The following PRELID2 variants were observed in gnomAD, a reference collection of about 807,000 sequenced individuals.
PRELID2 encodes PRELI domain-containing protein 2.
In PRELID2, 25 loss-of-function variants were observed where a neutral mutation model predicts 28.4. That is an observed-to-expected ratio of 0.88 (90% confidence interval 0.64 to 1.23). PRELID2 has a LOEUF of 1.23. Ranked by LOEUF, PRELID2 falls within the 50% of genes most tolerant of loss-of-function variation. The probability of loss-of-function intolerance (pLI) is 0.00; values close to 1 mark genes in which losing one functional copy is unlikely to be tolerated. For synonymous variants in PRELID2, 76 were observed against 71.6 expected, an observed-to-expected ratio of 1.06 and a Z score of -0.31; for missense variants, 201 against 214.4, an observed-to-expected ratio of 0.94 and a Z score of 0.39.
chr5:145,434,473 G>A, the PRELID2 span, among the ~76,000 whole-genome samples: 1 of 152,202 alleles, frequency 6.6e-6, no homozygotes, highest in Non-Finnish European at 1.5e-5. Context: ...CATGTACAGA[G>A]ACACAGACAC....
intron 1 of PRELID2, among the ~76,000 whole-genome samples, chr5:145,570,101 T>C (rs5003814): frequency 0.086 from 13,158 of 152,206 alleles, 1,467 homozygotes; most frequent in African/African-American, 0.26. Flanking sequence ...GTTCATATGG[T>C]GTTCTCCCTG....
At chr5:145,240,772 A>T in the PRELID2 span, among the ~76,000 whole-genome samples, 1 of 152,036 alleles carries the variant, frequency 6.6e-6, no homozygotes, top group Non-Finnish European at 1.5e-5. Flanking sequence ...CACTGTGTCA[A>T]TCCTAGGTGT....
chr5:145,424,982 C>A, the PRELID2 span, among the ~76,000 whole-genome samples: 5 of 151,920 alleles, frequency 3.3e-5, no homozygotes, highest in East Asian at 1.9e-4. Context: ...AGTGAAGAGA[C>A]AACCTACAGA....
At chr5:145,676,423 T>C (rs1333205525) in intron 1 of PRELID2, among the ~76,000 whole-genome samples, 3 of 150,664 alleles carry the variant, frequency 2.0e-5, no homozygotes, top group Admixed American at 1.3e-4. Flanking sequence ...CCTATAATCC[T>C]AGCCACTCGG....
the PRELID2 span, among the ~76,000 whole-genome samples, chr5:145,436,816 C>T: frequency 6.6e-6 from 1 of 152,124 alleles, no homozygotes; most frequent in Admixed American, 6.6e-5. Context: ...TTTCCTCCTT[C>T]TTCCTAACTC....
At chr5:145,659,399 T>A (rs1448852231) in intron 1 of PRELID2, among the ~76,000 whole-genome samples, 1 of 152,236 alleles carries the variant, frequency 6.6e-6, no homozygotes, top group East Asian at 1.9e-4. Context: ...AGACTATAAT[T>A]CCATTTTAAG....
At chr5:145,405,702 G>C in the PRELID2 span, among the ~76,000 whole-genome samples, 1 of 54,626 alleles carries the variant, frequency 1.8e-5, no homozygotes, top group African/African-American at 7.0e-5. Context: ...CCACATAGTT[G>C]TTTTTTTTTT....
chr5:145,725,376 G>C (rs1756116885), intron 1 of PRELID2, among the ~76,000 whole-genome samples: 2 of 152,250 alleles, frequency 1.3e-5, no homozygotes, highest in South Asian at 4.1e-4. Flanking sequence ...AAACCTTTAA[G>C]CATTGCTAAC....
chr5:145,353,061 C>T, the PRELID2 span, among the ~76,000 whole-genome samples: 2 of 152,170 alleles, frequency 1.3e-5, no homozygotes, highest in East Asian at 3.8e-4. Context: ...CTCCCTGTTA[C>T]CCAGCTCCAA....
chr5:145,562,873 G>GT (rs1160204711), intron 1 of PRELID2, among the ~76,000 whole-genome samples: 5 of 152,158 alleles, frequency 3.3e-5, no homozygotes, highest in Non-Finnish European at 5.9e-5. Context: ...CCAAAGTAGA[G>GT]TTTTTTTCTA....
intron 1 of PRELID2, among the ~76,000 whole-genome samples, chr5:145,511,935 G>A (rs115831327): frequency 0.023 from 3,459 of 152,156 alleles, 134 homozygotes; most frequent in African/African-American, 0.08. Context: ...TACTTACTGG[G>A]GCAGTGGCAG....
the PRELID2 span, among the ~76,000 whole-genome samples, chr5:145,413,539 C>G: frequency 6.6e-6 from 1 of 151,228 alleles, no homozygotes. Flanking sequence ...ATGTTGATAG[C>G]AGCACAATTT....
intron 1 of PRELID2, among the ~76,000 whole-genome samples, chr5:145,617,925 G>A (rs967797848): frequency 6.6e-6 from 1 of 151,900 alleles, no homozygotes; most frequent in Non-Finnish European, 1.5e-5. Flanking sequence ...TAGAGATGGG[G>A]TTTCACTATA....
At chr5:145,429,023 G>A in the PRELID2 span, among the ~76,000 whole-genome samples, 2 of 152,168 alleles carry the variant, frequency 1.3e-5, no homozygotes, top group African/African-American at 2.4e-5. Flanking sequence ...CTTTGTAAAT[G>A]GACTTCTGCT....
At chr5:145,762,061 A>T (rs1757501711) in intron 6 of PRELID2, among the ~76,000 whole-genome samples, 2 of 152,226 alleles carry the variant, frequency 1.3e-5, no homozygotes, top group African/African-American at 4.8e-5. Flanking sequence ...GTACATACAT[A>T]CATATACATA....
At chr5:145,730,894 A>G (rs1325116473) in intron 1 of PRELID2, among the ~76,000 whole-genome samples, 1 of 151,904 alleles carries the variant, frequency 6.6e-6, no homozygotes, top group African/African-American at 2.4e-5. Flanking sequence ...TGCCTGCCCC[A>G]AGGCAAACTC....
intron 1 of PRELID2, among the ~76,000 whole-genome samples, chr5:145,825,613 CATG>C (rs1468044432): frequency 6.6e-6 from 1 of 152,106 alleles, no homozygotes; most frequent in Non-Finnish European, 1.5e-5. Flanking sequence ...ACCAGGGAGA[CATG>C]ATGATCAAAT....
chr5:145,678,772 C>T (rs756675718), intron 1 of PRELID2, among the ~76,000 whole-genome samples: 11 of 151,900 alleles, frequency 7.2e-5, no homozygotes, highest in Non-Finnish European at 1.6e-4. Context: ...ACTGGGGGGT[C>T]GAGGAGGAGT....
At chr5:145,266,429 T>C in the PRELID2 span, among the ~76,000 whole-genome samples, 11 of 148,682 alleles carry the variant, frequency 7.4e-5, no homozygotes, top group African/African-American at 2.5e-4. Flanking sequence ...CCAACAAACA[T>C]GTGAAAAAAT....
Sources: gnomAD v4.1 joint callset for allele counts (sites outside exome capture counted in the v4.1 genomes callset) on GRCh38, gnomAD v4.1.1 for gene constraint, MANE v1.5 for transcripts, NCBI Gene and HGNC (gene_info 2026-07-23, HGNC 2026-07-21) for gene names.